Variants in WWOX observed in about 807,000 individuals in gnomAD.
WWOX encodes the protein WW domain containing oxidoreductase.
WWOX carries 69 observed loss-of-function variants against 46.2 expected under a neutral mutation model. That is an observed-to-expected ratio of 1.49 (90% CI 1.23 to 1.82). The LOEUF is 1.82. Among genes scored for constraint, WWOX ranks in the 40% most tolerant of loss-of-function variants. The pLI is 0.00. For missense variants in WWOX, 919 were observed against 542.6 expected, an observed-to-expected ratio of 1.69 and a Z score of -6.89; for synonymous variants, 359 against 202.6, an observed-to-expected ratio of 1.77 and a Z score of -6.56.
intron 8 of WWOX, among the ~76,000 whole-genome samples, chr16:78,948,214 C>T (rs1315234116): frequency 6.6e-6 from 1 of 152,196 alleles, no homozygotes; most frequent in African/African-American, 2.4e-5. Context: ...TGCTCAAGAC[C>T]TGGATCTCAG....
At chr16:78,383,492 A>G (rs2081998115) in intron 5 of WWOX, among the ~76,000 whole-genome samples, 1 of 152,168 alleles carries the variant, frequency 6.6e-6, no homozygotes, top group Non-Finnish European at 1.5e-5. Context: ...TCACCTTGGC[A>G]GATCGAGTCT....
intron 8 of WWOX, among the ~76,000 whole-genome samples, chr16:79,132,586 G>A (rs2049902368): frequency 6.6e-6 from 1 of 151,862 alleles, no homozygotes; most frequent in Non-Finnish European, 1.5e-5. Flanking sequence ...CTCTCTGTCT[G>A]GTTTCTCTGT....
At chr16:78,209,686 C>T (rs1048899125) in intron 5 of WWOX, among the ~76,000 whole-genome samples, 36 of 149,548 alleles carry the variant, frequency 2.4e-4, no homozygotes, top group African/African-American at 8.9e-4. Context: ...CTGAGCCTTA[C>T]AGGTTAAAGG....
intron 8 of WWOX, among the ~76,000 whole-genome samples, chr16:78,661,391 C>T (rs2047208495): frequency 6.6e-6 from 1 of 152,142 alleles, no homozygotes; most frequent in South Asian, 2.1e-4. Context: ...AGTCCAATCC[C>T]TAAGCTGGGC....
chr16:78,495,151 T>TTTTTTTTTA (rs1373002353), intron 8 of WWOX, among the ~76,000 whole-genome samples: 1 of 143,744 alleles, frequency 7.0e-6, no homozygotes, highest in Admixed American at 7.1e-5. Context: ...TGTTCTTTTT[T>TTTTTTTTTA]TTTTTTTTGA....
chr16:78,850,275 C>G (rs1248626032), intron 8 of WWOX, among the ~76,000 whole-genome samples: 1 of 152,116 alleles, frequency 6.6e-6, no homozygotes, highest in South Asian at 2.1e-4. Flanking sequence ...ATTTGGTTAA[C>G]CCATTCAGAT....
At chr16:78,484,985 T>C (rs2738695) in intron 8 of WWOX, among the ~76,000 whole-genome samples, 29,034 of 151,966 alleles carry the variant, frequency 0.19, 2,959 homozygotes, top group African/African-American at 0.25. Flanking sequence ...CCCTGCCTTC[T>C]GATGAGCTGA....
At chr16:78,791,805 G>A (rs184588776) in intron 8 of WWOX, among the ~76,000 whole-genome samples, 2 of 152,156 alleles carry the variant, frequency 1.3e-5, no homozygotes, top group African/African-American at 4.8e-5. Flanking sequence ...ACTTGAACCG[G>A]AGAGGCAGAG....
intron 8 of WWOX, among the ~76,000 whole-genome samples, chr16:78,438,539 G>C (rs9923680): frequency 6.6e-6 from 1 of 151,840 alleles, no homozygotes; most frequent in East Asian, 1.9e-4. Flanking sequence ...GTCCTTTGTG[G>C]ACCAGTATGC....
chr16:78,292,275 T>G (rs2151861262), intron 5 of WWOX, among the ~76,000 whole-genome samples: 1 of 152,232 alleles, frequency 6.6e-6, no homozygotes. Context: ...TGGCCCATAG[T>G]AAGGGGTATT....
intron 5 of WWOX, among the ~76,000 whole-genome samples, chr16:78,170,921 A>G (rs1053997638): frequency 2.0e-5 from 3 of 152,220 alleles, no homozygotes; most frequent in African/African-American, 7.2e-5. Context: ...GTTGATTGCA[A>G]CCACACGGTT....
intron 8 of WWOX, among the ~76,000 whole-genome samples, chr16:78,710,498 A>ATATATATATATATATATTTT (rs941311575): frequency 7.5e-6 from 1 of 132,836 alleles, no homozygotes. Context: ...ATATATATAT[A>ATATATATATATATATATTTT]TTTATATAAA....
At chr16:79,098,160 G>A (rs1158968460) in intron 8 of WWOX, among the ~76,000 whole-genome samples, 1 of 152,152 alleles carries the variant, frequency 6.6e-6, no homozygotes, top group Non-Finnish European at 1.5e-5. Flanking sequence ...GAATCACCTG[G>A]GAGCTTGAAA....
At chr16:78,421,975 A>G (rs1281684782) in intron 6 of WWOX, among the ~76,000 whole-genome samples, 1 of 152,186 alleles carries the variant, frequency 6.6e-6, no homozygotes, top group Admixed American at 6.5e-5. Context: ...CACCAACTTT[A>G]TACAAGATAA....
At chr16:79,209,266 C>A (rs140703739) in intron 8 of WWOX, among the ~76,000 whole-genome samples, 47 of 152,320 alleles carry the variant, frequency 3.1e-4, no homozygotes, top group African/African-American at 1.1e-3. Context: ...GCTCCTGCAA[C>A]AATGGCATTC....
intron 8 of WWOX, among the ~76,000 whole-genome samples, chr16:79,183,711 G>A (rs528668752): frequency 3.3e-5 from 5 of 152,228 alleles, no homozygotes; most frequent in Admixed American, 1.3e-4. Context: ...CATTACCTAC[G>A]GAGGTGGTTT....
chr16:79,003,681 C>G (rs1416536845), intron 8 of WWOX, among the ~76,000 whole-genome samples: 1 of 152,142 alleles, frequency 6.6e-6, no homozygotes, highest in African/African-American at 2.4e-5. Flanking sequence ...CTGGTCTCAG[C>G]TCGTGGCTGC....
chr16:78,114,832 T>A, intron 3 of WWOX, 144 bp from the exon 4 acceptor site: 1 of 1,003,550 alleles, frequency 1.0e-6, no homozygotes, highest in Non-Finnish European at 1.5e-6. Context: ...AGAAGATAGA[T>A]TCAGTGGGCC....
intron 8 of WWOX, among the ~76,000 whole-genome samples, chr16:78,866,456 A>G (rs1317613587): frequency 6.6e-6 from 1 of 151,824 alleles, no homozygotes. Flanking sequence ...TTTCTTGCAT[A>G]TCAGCTGTGT....
Sources: gnomAD v4.1 joint callset for allele counts (sites outside exome capture counted in the v4.1 genomes callset) on GRCh38, gnomAD v4.1.1 for gene constraint, MANE v1.5 for transcripts, NCBI Gene and HGNC (gene_info 2026-07-23, HGNC 2026-07-21) for gene names.